Variants in GALNT13 observed in about 807,000 individuals in gnomAD.
The protein encoded by GALNT13 is polypeptide N-acetylgalactosaminyltransferase 13.
In GALNT13, 28 loss-of-function variants were observed where a neutral mutation model predicts 64.2. The observed-to-expected ratio is 0.44, with a 90% CI of 0.32 to 0.60. The LOEUF (loss-of-function observed/expected upper bound fraction) is 0.60. Among genes scored for constraint, GALNT13 ranks in the 20% least tolerant of loss-of-function variants. The pLI is 0.05. For synonymous variants in GALNT13, 214 were observed against 224.6 expected (o/e 0.95, Z 0.42); for missense variants, 577 against 669.8 (o/e 0.86, Z 1.53).
chr2:154,288,008 C>T (rs780980860), intron 8 of GALNT13, among the ~76,000 whole-genome samples: 12 of 152,112 alleles, frequency 7.9e-5, no homozygotes, highest in Middle Eastern at 3.4e-3. Context: ...TGTATTAGTC[C>T]GTTCTCACAC....
intron 9 of GALNT13, among the ~76,000 whole-genome samples, chr2:154,387,493 T>C (rs1345543481): frequency 3.3e-5 from 5 of 151,998 alleles, no homozygotes; most frequent in African/African-American, 4.8e-5. Context: ...TTGTTGACTA[T>C]AGTCACCTGA....
At chr2:153,582,463 G>A in the GALNT13 span, among the ~76,000 whole-genome samples, 3 of 151,992 alleles carry the variant, frequency 2.0e-5, no homozygotes, top group South Asian at 4.2e-4. Context: ...GTAAAATTCC[G>A]GTTATACAGC....
At chr2:153,580,665 C>A in the GALNT13 span, among the ~76,000 whole-genome samples, 1 of 152,130 alleles carries the variant, frequency 6.6e-6, no homozygotes, top group African/African-American at 2.4e-5. Context: ...GGGAAACAAG[C>A]ATGGACATAA....
At chr2:153,622,233 C>T in the GALNT13 span, among the ~76,000 whole-genome samples, 11 of 152,022 alleles carry the variant, frequency 7.2e-5, no homozygotes, top group Non-Finnish European at 1.5e-4. Flanking sequence ...CACATACATA[C>T]GCAGTGAACT....
intron 3 of GALNT13, among the ~76,000 whole-genome samples, chr2:154,019,911 C>T (rs1174578779): frequency 6.8e-6 from 1 of 146,802 alleles, no homozygotes; most frequent in Non-Finnish European, 1.5e-5. Flanking sequence ...TCCATGTGTT[C>T]TCATTGTTCA....
chr2:154,160,149 T>C (rs1684649875), intron 4 of GALNT13, among the ~76,000 whole-genome samples: 2 of 152,220 alleles, frequency 1.3e-5, no homozygotes. Context: ...TTTAAAAGTC[T>C]CATTTTTAGA....
At chr2:153,447,545 C>A in the GALNT13 span, among the ~76,000 whole-genome samples, 746 of 152,298 alleles carry the variant, frequency 4.9e-3, 7 homozygotes, top group African/African-American at 0.017. Context: ...TTTGCTACAT[C>A]TTTCTCCTGT....
At chr2:153,515,181 C>T in the GALNT13 span, among the ~76,000 whole-genome samples, 10 of 152,162 alleles carry the variant, frequency 6.6e-5, no homozygotes, top group African/African-American at 2.4e-4. Flanking sequence ...TTAAACCCTT[C>T]AGTGACTTTC....
the GALNT13 span, among the ~76,000 whole-genome samples, chr2:153,636,864 T>C: frequency 1.3e-4 from 20 of 152,228 alleles, no homozygotes; most frequent in African/African-American, 4.1e-4. Context: ...GTTGACATAG[T>C]CTAGCCTGGA....
At chr2:153,181,035 T>TTTTTTTTTTTTTTTTTTTTTTTTTTTTTC in the GALNT13 span, among the ~76,000 whole-genome samples, 2 of 139,252 alleles carry the variant, frequency 1.4e-5, no homozygotes, top group Non-Finnish European at 3.1e-5. Context: ...TGTTTCTTTT[T>TTTTTTTTTTTTTTTTTTTTTTTTTTTTTC]TTTTTTTTTT....
chr2:153,542,342 ACAAACACACACACACAC>A, the GALNT13 span, among the ~76,000 whole-genome samples: 3 of 100,226 alleles, frequency 3.0e-5, no homozygotes, highest in Non-Finnish European at 5.1e-5. Flanking sequence ...AAACAAACAA[ACAAACACACACACACAC>A]AAAAAAAAAA....
At chr2:153,987,697 CA>C (rs1302730783) in intron 3 of GALNT13, among the ~76,000 whole-genome samples, 1 of 151,386 alleles carries the variant, frequency 6.6e-6, no homozygotes, top group Non-Finnish European at 1.5e-5. Flanking sequence ...ACCACATAGA[CA>C]AAAAAAGGAA....
chr2:153,303,782 AT>A, the GALNT13 span, among the ~76,000 whole-genome samples: 313 of 151,912 alleles, frequency 2.1e-3, 1 homozygote, highest in African/African-American at 6.8e-3. Context: ...TTTTGTCAAG[AT>A]TTTTTTTGGC....
chr2:154,432,003 ACAT>A (rs1372962874), intron 11 of GALNT13, among the ~76,000 whole-genome samples: 1 of 152,188 alleles, frequency 6.6e-6, no homozygotes, highest in Non-Finnish European at 1.5e-5. Context: ...ACGGACTAAA[ACAT>A]CATCTATGAA....
chr2:153,319,306 A>C, the GALNT13 span, among the ~76,000 whole-genome samples: 10 of 151,216 alleles, frequency 6.6e-5, no homozygotes, highest in African/African-American at 2.2e-4. Flanking sequence ...TCAAGGTCTC[A>C]CTCTGTCATC....
chr2:153,082,614 TATATACAC>T, the GALNT13 span, among the ~76,000 whole-genome samples: 67 of 31,282 alleles, frequency 2.1e-3, no homozygotes, highest in South Asian at 8.2e-3. Flanking sequence ...TATATATATA[TATATACAC>T]ACACACACAC....
At chr2:153,499,945 TTGGAAGGG>T in the GALNT13 span, among the ~76,000 whole-genome samples, 1 of 151,932 alleles carries the variant, frequency 6.6e-6, no homozygotes, top group African/African-American at 2.4e-5. Context: ...AACTCCCAAC[TTGGAAGGG>T]GCCAGCTCTC....
intron 3 of GALNT13, among the ~76,000 whole-genome samples, chr2:154,090,222 G>A (rs1452857573): frequency 2.0e-5 from 3 of 151,986 alleles, no homozygotes; most frequent in African/African-American, 7.2e-5. Context: ...TATGTTTATT[G>A]GAAATAAGGT....
intron 9 of GALNT13, among the ~76,000 whole-genome samples, chr2:154,341,215 A>C (rs1038686333): frequency 1.3e-5 from 2 of 152,092 alleles, no homozygotes; most frequent in Non-Finnish European, 2.9e-5. Flanking sequence ...CTGTATGAAA[A>C]GGTGTTCACT....
Sources: gnomAD v4.1 joint callset for allele counts (sites outside exome capture counted in the v4.1 genomes callset) on GRCh38, gnomAD v4.1.1 for gene constraint, MANE v1.5 for transcripts, NCBI Gene and HGNC (gene_info 2026-07-23, HGNC 2026-07-21) for gene names.